Variants in HEATR6 observed in about 807,000 individuals in gnomAD.
HEATR6 encodes HEAT repeat containing 6.
A neutral mutation model predicts 132.8 loss-of-function variants in HEATR6; 106 were observed. The ratio of observed to expected loss-of-function variants is 0.80; its 90% CI spans 0.68 to 0.94. The LOEUF is 0.94. HEATR6 is among the 40% of genes least tolerant of loss of function. HEATR6 has a pLI of 0.00. For synonymous variants in HEATR6, 529 were observed against 537.8 expected (o/e 0.98, Z 0.23); for missense variants, 1,339 against 1,425.1 (o/e 0.94, Z 0.97).
intron 19 of HEATR6, among the ~76,000 whole-genome samples, chr17:60,045,517 A>T (rs1906337273): frequency 1.3e-5 from 2 of 152,240 alleles, no homozygotes; most frequent in Admixed American, 6.5e-5. Context: ...TATTAATGGC[A>T]TCCACTTCTG....
chr17:60,078,879 G>A lies in HEATR6; in HGVS notation c.36C>T (p.Ser12=), dbSNP rs1482480696. ...AAVQVVGSWP[S]VQPREAPREA... is the part of the protein sequence containing the mutation. ...CCCGCGGTGCCTCCCGCGGCTGCAC[G>A]GAAGGCCACGAACCGACAACTTGCA... The change falls in exon 1 of 20, where the codon TCC becomes TCT. Residue 12 remains serine (S), a synonymous_variant. Coordinates refer to ENST00000184956, the MANE Select transcript of HEATR6 (RefSeq NM_022070.5). 4.4e-6 allele frequency: 6 copies of A among 1,350,470 alleles called. No homozygotes were observed. Among genetic ancestry groups the A allele is most frequent in the African/African-American group, 1.6e-5 (1 of 64,278 alleles). The allele number at this position is 1,350,470 out of a possible 1,614,324, so 83.7% of individuals were successfully genotyped here.
intron 1 of HEATR6, chr17:60,076,704 T>C (rs1190846886): frequency 6.6e-6 from 1 of 151,538 alleles, no homozygotes; most frequent in Admixed American, 6.6e-5. Flanking sequence ...CCTTGTCTCT[T>C]AAAAAAAAGA....
chr17:60,067,379 AAAC>A, intron 8 of HEATR6, 52 bp downstream of exon 8: 1 of 1,303,992 alleles, frequency 7.7e-7, no homozygotes, highest in Non-Finnish European at 1.0e-6. Context: ...GTTAAGTTAT[AAAC>A]TTACATGCAA....
Position 60,073,806 on chromosome 17 carries a change from G to A in HEATR6, c.408C>T (p.His136=), listed in dbSNP as rs1359799818. 6.2e-7 allele frequency: 1 copy of A among 1,613,946 alleles called. No homozygotes were observed. The highest frequency in any genetic ancestry group is 1.3e-5 in the African/African-American group (1 of 74,924). The change falls in exon 3 of 20, where the codon CAC becomes CAT. Residue 136 remains histidine (H), a synonymous_variant. Coordinates refer to ENST00000184956, the MANE Select transcript of HEATR6 (RefSeq NM_022070.5). ...SAIHQCSSWT[H]REILQALAAL... ...CTGCCAGGGCTTGAAGAATTTCCCT[G>A]TGTGTCCAGGAACTACACTGATGAA...
chr17:60,048,210 T>G, intron 17 of HEATR6, 54 bp downstream of exon 17: 3 of 1,585,410 alleles, frequency 1.9e-6, no homozygotes, highest in Non-Finnish European at 2.6e-6. Context: ...GAGGACATTC[T>G]CTTGGGCCCT....
At position 60,067,795 on chromosome 17, in the gene HEATR6, C is replaced by T. The variant is rs915862203; in HGVS notation, c.940-63G>A. ...ACTTCAGAATGGCTTTTCACTGAATCGTTACTTCTTCATTTTAAAGTGACT... is the reference window on the plus strand; with the variant it reads ...ACTTCAGAATGGCTTTTCACTGAATTGTTACTTCTTCATTTTAAAGTGACT... On this transcript the variant is annotated intron_variant, in intron 7 of 19. Transcript: ENST00000184956. 15 of 1,306,028 alleles carry T rather than the reference C, an allele frequency of 1.1e-5. No homozygotes were observed. The South Asian group carries it at 1.4e-4, about 12-fold the overall frequency. The allele number at this position is 1,306,028 out of a possible 1,614,324, so 80.9% of individuals were successfully genotyped here. A position where few individuals can be genotyped will look rare whatever the true frequency, so the allele number is the denominator to read the frequency against.
intron 2 of HEATR6, chr17:60,074,112 T>C: frequency 8.0e-7 from 1 of 1,248,208 alleles, no homozygotes. Context: ...AAAGTAGAAC[T>C]TGATGAAGTC....
chr17:60,048,420 T>C, intron 16 of HEATR6, 32 bp from the exon 17 acceptor site: 10 of 1,578,932 alleles, frequency 6.3e-6, no homozygotes, highest in Non-Finnish European at 7.8e-6. Context: ...TGCAGTTACT[T>C]TAGCAGGTCA....
Position 60,056,193 on chromosome 17 carries a change from G to C in HEATR6, c.2124C>G (p.Ala708=). The change falls in exon 13 of 20, where the codon GCC becomes GCG. Residue 708 remains alanine (A), a synonymous_variant. Transcript: ENST00000184956. The stretch of plus-strand genomic sequence containing the variant: ...TCACCTCTCCAAGCTCCATCAAGTA[G>C]GCTTGAGTCATTGAAAAGTAGCCCC... The part of the protein sequence containing the change: ...LARGYFSMTQ[A]YLMELGEVIC... 6.2e-7 allele frequency: 1 copy of C among 1,613,972 alleles called. No homozygotes were observed. The highest frequency in any genetic ancestry group is 8.5e-7 in the Non-Finnish European group (1 of 1,179,892).
At chr17:60,057,439 C>A in intron 11 of HEATR6, 36 bp from the exon 12 acceptor site, 6 of 1,334,296 alleles carry the variant, frequency 4.5e-6, no homozygotes, top group Non-Finnish European at 6.2e-6. Context: ...ATCATCATGG[C>A]AACAACTACT....
At chr17:60,072,439 C>A in intron 4 of HEATR6, 110 bp from the exon 5 acceptor site, 1 of 520,648 alleles carries the variant, frequency 1.9e-6, no homozygotes. Flanking sequence ...GGAATATACC[C>A]TTGAGTGCAA....
chr17:60,064,766 T>A (rs193204712), intron 9 of HEATR6: 3 of 152,218 alleles, frequency 2.0e-5, no homozygotes, highest in African/African-American at 7.2e-5. Flanking sequence ...CACTTTGCAA[T>A]AGGTGAAATT....
Position 60,043,306 on chromosome 17 carries a change from T to TG in HEATR6, c.*256dup, listed in dbSNP as rs923230890. On this transcript the variant is annotated 3_prime_UTR_variant, in exon 20 of 20. Transcript: ENST00000184956. ...TAAATGCCCTCAAAGCCCGTCTGCT[T>TG]GGCCTGTATTACAACCTGACTCCTC... 6 of 453,194 alleles carry TG rather than the reference T, an allele frequency of 1.3e-5. No homozygotes were observed. In the Admixed American group the frequency reaches 2.4e-4, roughly 18 times the overall value. 28.1% of individuals were successfully genotyped at this position (453,194 alleles called of 1,614,324 possible). A position where few individuals can be genotyped will look rare whatever the true frequency, so the allele number is the denominator to read the frequency against.
chr17:60,073,755 T>A lies in HEATR6; in HGVS notation c.459A>T (p.Lys153Asn). Residue 153 changes from lysine (K) to asparagine (N), a missense_variant, in exon 3 of 20, where the codon AAA becomes AAT. Coordinates refer to ENST00000184956, the MANE Select transcript of HEATR6 (RefSeq NM_022070.5). ...AAGCACTTTAAACTACCTTTTGACA[T>A]TTGGAGCCATTGCAGTACACCAGAG... ...LAALVYCNGS[K>N]CQKYLPELLG... 6.2e-7 allele frequency: 1 copy of A among 1,613,834 alleles called. No individual in the cohort carries two copies. Among genetic ancestry groups the A allele is most frequent in the Non-Finnish European group, 8.5e-7 (1 of 1,179,858 alleles).
intron 2 of HEATR6, among the ~76,000 whole-genome samples, chr17:60,074,710 G>A (rs895308132): frequency 6.6e-6 from 1 of 152,088 alleles, no homozygotes; most frequent in Non-Finnish European, 1.5e-5. Context: ...GGGCAACCTG[G>A]GGCAACCTTA....
chr17:60,070,333 T>C (rs377319553), intron 6 of HEATR6, among the ~76,000 whole-genome samples: 5 of 152,098 alleles, frequency 3.3e-5, no homozygotes, highest in African/African-American at 1.2e-4. Context: ...GCTCGGAAGC[T>C]GCCCATTGAC....
chr17:60,057,491 A>T, intron 11 of HEATR6, 88 bp from the exon 12 acceptor site: 1 of 862,210 alleles, frequency 1.2e-6, no homozygotes, highest in Admixed American at 2.7e-5. Flanking sequence ...AAAAATTAGT[A>T]GTTCCTTGTG....
chr17:60,057,549 T>C, intron 11 of HEATR6, 146 bp from the exon 12 acceptor site: 1 of 585,556 alleles, frequency 1.7e-6, no homozygotes, highest in Non-Finnish European at 3.0e-6. Flanking sequence ...AGTTTGGAAA[T>C]ACATGGGACA....
chr17:60,041,688 C>T lies in HEATR6; in HGVS notation c.*1875G>A, dbSNP rs559032479. ...GATATTCTATCAATGGAAAATTGAG[C>T]CTTTAGTGAACTTGAATACCCTGTT... On this transcript the variant is annotated 3_prime_UTR_variant, in exon 20 of 20. Coordinates refer to ENST00000184956, the MANE Select transcript of HEATR6 (RefSeq NM_022070.5). Among the ~76,000 whole-genome samples the T allele has an allele frequency of 1.4e-4, 22 of 152,262 alleles. No homozygotes were observed. The highest frequency in any genetic ancestry group is 5.1e-4 in the African/African-American group (21 of 41,546).
Sources: allele counts gnomAD v4.1 joint callset (sites outside exome capture counted in the v4.1 genomes callset), GRCh38; gene constraint gnomAD v4.1.1; transcripts MANE v1.5; gene names NCBI Gene and HGNC (gene_info 2026-07-23, HGNC 2026-07-21).